The following FAM199X variants were observed in gnomAD, a reference collection of about 807,000 sequenced individuals.
FAM199X encodes the protein protein FAM199X.
A neutral mutation model predicts 22.9 loss-of-function variants in FAM199X; 4 were observed. The observed-to-expected ratio is 0.17, with a 90% CI of 0.09 to 0.40. The LOEUF (loss-of-function observed/expected upper bound fraction) is 0.40. Ranked by LOEUF, FAM199X falls within the 10% of genes least tolerant of loss-of-function variation. FAM199X has a pLI of 1.00. For missense variants in FAM199X, 183 were observed against 306.8 expected (o/e 0.60, Z 3.01); for synonymous variants, 101 against 112.3 (o/e 0.90, Z 0.64).
intron 2 of FAM199X, among the ~76,000 whole-genome samples, chrX:104,185,062 ATTTTTTT>A (rs782075983): frequency 1.3e-5 from 1 of 77,954 alleles, no homozygotes; most frequent in Non-Finnish European, 2.4e-5. Flanking sequence ...AGGCATGATA[ATTTTTTT>A]TTTTTTTTTT....
At chrX:104,178,098 T>TA (rs1218875627) in intron 2 of FAM199X, among the ~76,000 whole-genome samples, 1 of 112,241 alleles carries the variant, frequency 8.9e-6, no homozygotes, top group Non-Finnish European at 1.9e-5. Flanking sequence ...CATTTTGAGT[T>TA]ACTTTTTGTA....
Position 104,183,567 on chromosome X carries a change from C to T in FAM199X, c.418-2499C>T, listed in dbSNP as rs181519613. ...GCAACCTCCACCTCCTGGGTTCAAA[C>T]GATACTCCTACTTCAGCCTCCTGAG... On this transcript the variant is annotated intron_variant, in intron 2 of 5. Transcript: ENST00000493442. Among the ~76,000 whole-genome samples the T allele has an allele frequency of 2.3e-3, 255 of 110,511 alleles. No individual in the cohort carries two copies. The South Asian group carries it at 0.03, about 13-fold the overall frequency.
chrX:104,160,501 T>C, the FAM199X span, among the ~76,000 whole-genome samples: 1 of 112,893 alleles, frequency 8.9e-6, no homozygotes, highest in Admixed American at 9.4e-5. Flanking sequence ...GCTATATGTT[T>C]GTTGAGTGTA....
intron 2 of FAM199X, among the ~76,000 whole-genome samples, chrX:104,181,749 T>G (rs1921659463): frequency 9.0e-6 from 1 of 111,608 alleles, no homozygotes; most frequent in Non-Finnish European, 1.9e-5. Context: ...ACTAGTTGTA[T>G]GACCCTCCCC....
chrX:104,167,969 T>C (rs1453107700), intron 1 of FAM199X, among the ~76,000 whole-genome samples: 2 of 111,619 alleles, frequency 1.8e-5, no homozygotes, highest in Non-Finnish European at 3.8e-5. Flanking sequence ...TTAAGAAATC[T>C]AGTTCTGACT....
intron 4 of FAM199X, 91 bp from the exon 5 acceptor site, chrX:104,187,949 T>C: frequency 9.4e-7 from 1 of 1,068,990 alleles, no homozygotes; most frequent in Non-Finnish European, 1.3e-6. Context: ...GACAGTCTTT[T>C]AGATTAAGTA....
chrX:104,178,442 C>T (rs993710376), intron 2 of FAM199X, among the ~76,000 whole-genome samples: 2 of 111,557 alleles, frequency 1.8e-5, no homozygotes, highest in Admixed American at 1.9e-4. Flanking sequence ...GCTAGGATTA[C>T]AGGTGCATTC....
rs1353623140 is a variant in FAM199X at position 104,190,004 on chromosome X, A to G, written c.*226A>G. The G allele has an allele frequency of 8.3e-6, 3 of 363,369 alleles. No individual in the cohort carries two copies. In the East Asian group the frequency reaches 1.4e-4, roughly 17 times the overall value. 29.9% of individuals were successfully genotyped at this position (363,369 alleles called of 1,213,427 possible). A position where few individuals can be genotyped will look rare whatever the true frequency, so the allele number is the denominator to read the frequency against. Reference sequence around the variant, plus strand: ...CCCGCCCCCAGACATAGTGAATCAGAAACCAACAGGGAGGCGCCTAGCATT... The same window carrying G: ...CCCGCCCCCAGACATAGTGAATCAGGAACCAACAGGGAGGCGCCTAGCATT... On this transcript the variant is annotated 3_prime_UTR_variant, in exon 6 of 6. Coordinates refer to ENST00000493442, the MANE Select transcript of FAM199X (RefSeq NM_207318.4).
intron 1 of FAM199X, among the ~76,000 whole-genome samples, 176 bp downstream of exon 1, chrX:104,167,158 T>C (rs782783401): frequency 1.1e-5 from 1 of 93,012 alleles, no homozygotes; most frequent in South Asian, 6.7e-4. Flanking sequence ...TGCCCTCCTA[T>C]TTTCCTTTCG....
At chrX:104,188,808 C>T (rs1442806928) in intron 5 of FAM199X, among the ~76,000 whole-genome samples, 2 of 24,060 alleles carry the variant, frequency 8.3e-5, no homozygotes, top group Admixed American at 7.2e-4. Flanking sequence ...ATAATATTGT[C>T]GGGCACTTAA....
intron 2 of FAM199X, among the ~76,000 whole-genome samples, chrX:104,181,746 G>A (rs1480714196): frequency 9.0e-6 from 1 of 111,439 alleles, no homozygotes; most frequent in Admixed American, 9.5e-5. Context: ...GCCACTAGTT[G>A]TATGACCCTC....
chrX:104,166,071 C>T (rs187163892), upstream of FAM199X, among the ~76,000 whole-genome samples: 18 of 112,423 alleles, frequency 1.6e-4, no homozygotes, highest in East Asian at 3.9e-3. Flanking sequence ...TCTCCTACAC[C>T]TCATTGCACG....
chrX:104,187,386 G>A (rs988373992), intron 4 of FAM199X, among the ~76,000 whole-genome samples: 13 of 111,906 alleles, frequency 1.2e-4, no homozygotes, highest in Non-Finnish European at 2.3e-4. Flanking sequence ...CTGGCCTCTG[G>A]TATCTTCTAA....
chrX:104,161,526 G>A, upstream of FAM199X, among the ~76,000 whole-genome samples: 1 of 111,836 alleles, frequency 8.9e-6, no homozygotes, highest in South Asian at 3.7e-4. Context: ...TTTTACGGGG[G>A]AACAATATAT....
upstream of FAM199X, among the ~76,000 whole-genome samples, chrX:104,161,698 G>A (rs782710398): frequency 4.4e-4 from 49 of 110,308 alleles, no homozygotes; most frequent in African/African-American, 1.1e-3. Flanking sequence ...AAAATTAGCC[G>A]GGCGTGGTGG....
chrX:104,163,447 A>C (rs1413483852), upstream of FAM199X, among the ~76,000 whole-genome samples: 1 of 111,566 alleles, frequency 9.0e-6, no homozygotes, highest in Non-Finnish European at 1.9e-5. Context: ...TGGAAGGGAG[A>C]GATGAATTGG....
At chrX:104,177,558 A>G (rs1197917295) in intron 2 of FAM199X, among the ~76,000 whole-genome samples, 1 of 112,061 alleles carries the variant, frequency 8.9e-6, no homozygotes, top group Non-Finnish European at 1.9e-5. Context: ...TTCCAGAGTG[A>G]CTGCACCATT....
At chrX:104,177,847 T>C (rs919380039) in intron 2 of FAM199X, among the ~76,000 whole-genome samples, 11 of 112,425 alleles carry the variant, frequency 9.8e-5, no homozygotes, top group African/African-American at 3.6e-4. Flanking sequence ...TTATCAGATA[T>C]ATGATTTGCA....
rs187817652 is a variant in FAM199X at position 104,189,367 on chromosome X, G to C, written c.997-241G>C. Among the ~76,000 whole-genome samples, 9 of 111,564 alleles carry C rather than the reference G, an allele frequency of 8.1e-5. No homozygotes were observed. The East Asian group carries it at 2.5e-3, about 31-fold the overall frequency. On this transcript the variant is annotated intron_variant, in intron 5 of 5. Coordinates refer to ENST00000493442, the MANE Select transcript of FAM199X (RefSeq NM_207318.4). ...TGAAGTGACTTTTTATCTATCACTA[G>C]CCAAAATGATCGTCTCAACTCTTCC... is the stretch of plus-strand genomic sequence containing the variant.
Sources: gnomAD v4.1 joint callset for allele counts (sites outside exome capture counted in the v4.1 genomes callset) on GRCh38, gnomAD v4.1.1 for gene constraint, MANE v1.5 for transcripts, NCBI Gene and HGNC (gene_info 2026-07-23, HGNC 2026-07-21) for gene names.